ARHGAP15: variants seen among roughly 807,000 people sequenced by gnomAD.
ARHGAP15 encodes rho GTPase-activating protein 15.
A neutral mutation model predicts 63.7 loss-of-function variants in ARHGAP15; 51 were observed. The ratio of observed to expected loss-of-function variants is 0.80; its 90% confidence interval spans 0.64 to 1.01. The LOEUF (loss-of-function observed/expected upper bound fraction) is 1.01, where lower values mean the gene tolerates loss of function less well. Ranked by LOEUF, ARHGAP15 falls within the 50% of genes least tolerant of loss-of-function variation. The pLI is 0.00. For missense variants in ARHGAP15, 560 were observed against 564.6 expected (o/e 0.99, Z 0.08); for synonymous variants, 191 against 193.8 (o/e 0.99, Z 0.12).
intron 12 of ARHGAP15, among the ~76,000 whole-genome samples, chr2:143,686,255 A>AATT (rs1683333711): frequency 3.2e-5 from 1 of 30,956 alleles, no homozygotes; most frequent in Non-Finnish European, 1.2e-4. Context: ...AAAATACAAA[A>AATT]ATTAGCTGGG....
At chr2:143,388,017 T>G (rs1687373072) in intron 6 of ARHGAP15, among the ~76,000 whole-genome samples, 1 of 152,152 alleles carries the variant, frequency 6.6e-6, no homozygotes, top group Non-Finnish European at 1.5e-5. Context: ...TACCTAATGC[T>G]TTCCCTTTTC....
rs10558886 is a variant in ARHGAP15, at chr2:143,635,194, CTTTTTTTTTTTTTTTTTT to C, written c.1138+10939_1138+10956del. On this transcript the variant is annotated intron_variant, in intron 12 of 13. Transcript: ENST00000295095. ...AACTTTCATATTAACCTCTCAGGAGCTTTTTTTTTTTTTTTTTTTTTTTTTTTTTCAAATTTTTTGTAA... is the reference window on the plus strand; with the variant it reads ...AACTTTCATATTAACCTCTCAGGAGCTTTTTTTTTTTCAAATTTTTTGTAA... Among the ~76,000 whole-genome samples the C allele has an allele frequency of 1.8e-3, 48 of 26,890 alleles. 1 individual carries two copies. The highest frequency in any genetic ancestry group is 2.2e-3 in the Non-Finnish European group (36 of 16,378). 17.6% of individuals were successfully genotyped at this position (26,890 alleles called of 152,430 possible).
intron 12 of ARHGAP15, among the ~76,000 whole-genome samples, chr2:143,690,166 A>C (rs1683530128): frequency 6.6e-6 from 1 of 152,216 alleles, no homozygotes; most frequent in Admixed American, 6.5e-5. Flanking sequence ...TAGCTCATGC[A>C]CCACTGGCAC....
At chr2:143,253,235 T>C (rs536631898) in intron 6 of ARHGAP15, among the ~76,000 whole-genome samples, 1 of 123,984 alleles carries the variant, frequency 8.1e-6, no homozygotes, top group South Asian at 2.9e-4. Context: ...TTAGCAATTG[T>C]ATGCCATGTA....
intron 8 of ARHGAP15, among the ~76,000 whole-genome samples, chr2:143,461,781 T>C (rs1574481325): frequency 6.6e-6 from 1 of 152,142 alleles, no homozygotes; most frequent in East Asian, 1.9e-4. Flanking sequence ...TGTCTGTAAA[T>C]AGAATTCCCC....
chr2:143,575,342 G>A (rs1696635750), intron 11 of ARHGAP15, among the ~76,000 whole-genome samples: 1 of 152,148 alleles, frequency 6.6e-6, no homozygotes. Flanking sequence ...ATTTCAACTA[G>A]ACAGAGCTGA....
intron 13 of ARHGAP15, among the ~76,000 whole-genome samples, chr2:143,734,297 C>T (rs188510664): frequency 6.6e-6 from 1 of 152,258 alleles, no homozygotes; most frequent in East Asian, 1.9e-4. Flanking sequence ...GAGATGGAGC[C>T]TAAGGGGGAA....
chr2:143,763,259 T>C (rs571250806), intron 13 of ARHGAP15, among the ~76,000 whole-genome samples: 1 of 152,304 alleles, frequency 6.6e-6, no homozygotes, highest in African/African-American at 2.4e-5. Context: ...TTGTGGTTGA[T>C]TTCCTCTGTA....
At position 143,679,299 on chromosome 2, in the gene ARHGAP15, T is replaced by C. The variant is rs574342819; in HGVS notation, c.1139-24120T>C. 3.9e-5 allele frequency among the ~76,000 whole-genome samples: 6 copies of C among 152,330 alleles called. No homozygotes were observed. The East Asian group carries it at 9.6e-4, about 24-fold the overall frequency. On this transcript the variant is annotated intron_variant, in intron 12 of 13. Transcript: ENST00000295095. Reference sequence around the variant, plus strand: ...GGGCTACATTACATTTGAACCTTAATAAATACTTAATAACCCATAAGACAA... The same window carrying C: ...GGGCTACATTACATTTGAACCTTAACAAATACTTAATAACCCATAAGACAA...
chr2:143,438,924 A>G (rs1239753995), intron 8 of ARHGAP15, among the ~76,000 whole-genome samples: 1 of 152,192 alleles, frequency 6.6e-6, no homozygotes, highest in Non-Finnish European at 1.5e-5. Flanking sequence ...AACCTGAGCT[A>G]TGGAGAAAAT....
intron 4 of ARHGAP15, among the ~76,000 whole-genome samples, chr2:143,226,363 T>C (rs7603094): frequency 2.1e-3 from 319 of 152,272 alleles, no homozygotes; most frequent in African/African-American, 7.3e-3. Flanking sequence ...GTATAGTGTC[T>C]CCTTGTGAGA....
intron 6 of ARHGAP15, among the ~76,000 whole-genome samples, chr2:143,252,542 T>C (rs922295291): frequency 1.3e-5 from 2 of 152,070 alleles, no homozygotes; most frequent in African/African-American, 4.8e-5. Flanking sequence ...TTTATTTTTT[T>C]TTAGTCTTGT....
intron 2 of ARHGAP15, among the ~76,000 whole-genome samples, chr2:143,186,866 A>G (rs1691469009): frequency 6.6e-6 from 1 of 152,226 alleles, no homozygotes; most frequent in Admixed American, 6.5e-5. Flanking sequence ...TAGTCTTCCA[A>G]GGGGAACATT....
intron 4 of ARHGAP15, among the ~76,000 whole-genome samples, chr2:143,222,752 T>A (rs1362750314): frequency 1.3e-5 from 2 of 151,860 alleles, no homozygotes; most frequent in African/African-American, 2.4e-5. Context: ...TGTCTGCTAG[T>A]TTTTTTTGCA....
intron 2 of ARHGAP15, among the ~76,000 whole-genome samples, chr2:143,163,547 C>G (rs1297376262): frequency 6.6e-6 from 1 of 151,698 alleles, no homozygotes; most frequent in African/African-American, 2.4e-5. Flanking sequence ...ATCAAGATTG[C>G]CTCAAGGTTC....
intron 6 of ARHGAP15, among the ~76,000 whole-genome samples, chr2:143,402,922 A>C (rs963365048): frequency 1.3e-5 from 2 of 151,878 alleles, no homozygotes; most frequent in Non-Finnish European, 2.9e-5. Context: ...AGGACAACCT[A>C]TATTTTTCTT....
chr2:143,581,288 G>C (rs149674343), intron 11 of ARHGAP15, among the ~76,000 whole-genome samples: 1,980 of 151,976 alleles, frequency 0.013, 39 homozygotes, highest in African/African-American at 0.045. Flanking sequence ...TGGGCTCATT[G>C]TGGCAAACAA....
At chr2:143,692,395 CT>C (rs1683649353) in intron 12 of ARHGAP15, among the ~76,000 whole-genome samples, 1 of 152,176 alleles carries the variant, frequency 6.6e-6, no homozygotes, top group Non-Finnish European at 1.5e-5. Flanking sequence ...AAGTCTCCGA[CT>C]TTCATTAGCA....
At chr2:143,585,057 C>G (rs930744994) in intron 11 of ARHGAP15, among the ~76,000 whole-genome samples, 1 of 152,178 alleles carries the variant, frequency 6.6e-6, no homozygotes, top group South Asian at 2.1e-4. Context: ...AAAATCATCC[C>G]GAGGTTTAAA....
Sources: gnomAD v4.1 joint callset for allele counts (sites outside exome capture counted in the v4.1 genomes callset) on GRCh38, gnomAD v4.1.1 for gene constraint, MANE v1.5 for transcripts, NCBI Gene and HGNC (gene_info 2026-07-23, HGNC 2026-07-21) for gene names.